The following ROR1 variants were observed in gnomAD, a reference collection of about 807,000 sequenced individuals.
ROR1 encodes inactive tyrosine-protein kinase transmembrane receptor ROR1.
Under a neutral mutation model 78.8 loss-of-function variants are expected in ROR1, and 19 were observed. The ratio of observed to expected loss-of-function variants is 0.24; its 90% CI spans 0.17 to 0.35. ROR1 has a LOEUF of 0.35. Ranked by LOEUF, ROR1 falls within the 10% of genes least tolerant of loss-of-function variation. ROR1 has a pLI of 1.00. For synonymous variants in ROR1, 386 were observed against 433.6 expected (o/e 0.89, Z 1.36); for missense variants, 917 against 1,177.8 (o/e 0.78, Z 3.24).
chr1:63,863,087 C>T (rs376651243), intron 1 of ROR1, among the ~76,000 whole-genome samples: 3 of 152,328 alleles, frequency 2.0e-5, no homozygotes, highest in East Asian at 3.9e-4. Flanking sequence ...AAGCCCTGAT[C>T]TCCTGACTCC....
intron 1 of ROR1, among the ~76,000 whole-genome samples, chr1:63,876,977 A>T (rs1645290514): frequency 6.6e-6 from 1 of 152,054 alleles, no homozygotes; most frequent in Non-Finnish European, 1.5e-5. Context: ...AAACAACTCT[A>T]CCTGGTATGC....
chr1:64,048,049 T>G (rs914964784), intron 2 of ROR1, among the ~76,000 whole-genome samples: 1 of 152,202 alleles, frequency 6.6e-6, no homozygotes, highest in African/African-American at 2.4e-5. Context: ...GGGACGGAAA[T>G]TAAAGCAAAT....
intron 1 of ROR1, among the ~76,000 whole-genome samples, chr1:63,913,132 C>G (rs1330607535): frequency 2.0e-5 from 3 of 151,884 alleles, no homozygotes; most frequent in African/African-American, 7.3e-5. Context: ...TTTTTCTATG[C>G]TTGATAAAGG....
At chr1:63,897,617 A>C (rs982978471) in intron 1 of ROR1, among the ~76,000 whole-genome samples, 5 of 152,282 alleles carry the variant, frequency 3.3e-5, no homozygotes, top group East Asian at 1.9e-4. Context: ...TTGAACACCT[A>C]CTGTGGAGCT....
intron 1 of ROR1, among the ~76,000 whole-genome samples, chr1:63,918,273 C>T (rs998718925): frequency 4.6e-5 from 7 of 152,188 alleles, no homozygotes; most frequent in Non-Finnish European, 8.8e-5. Context: ...CCACCCAGCA[C>T]GACGCACTGA....
chr1:64,087,744 A>C (rs1647165665), intron 4 of ROR1, among the ~76,000 whole-genome samples: 1 of 152,204 alleles, frequency 6.6e-6, no homozygotes, highest in African/African-American at 2.4e-5. Flanking sequence ...GTTTTTGAAA[A>C]TGAAAACCAA....
In ROR1 at chr1:64,049,976, T is replaced by G. The variant is rs776665368; in HGVS notation, c.449T>G (p.Phe150Cys). The G allele has an allele frequency of 1.2e-6, 2 of 1,614,062 alleles. No individual in the cohort carries two copies. Among genetic ancestry groups the G allele is most frequent in the Non-Finnish European group, 1.7e-6 (2 of 1,180,004 alleles). ...TCCACTGGAGTCTTGTTTGTCAAGT[T>G]TGGTAAGCAGACCCCTACTGGGGAT... ...VSSTGVLFVK[F>C]GPPPTASPGY... Residue 150 changes from phenylalanine to cysteine, a missense_variant and splice_region_variant, in exon 3 of 9, where the codon TTT becomes TGT. Transcript: ENST00000371079.
chr1:64,031,206 A>G (rs1646657160), intron 2 of ROR1, among the ~76,000 whole-genome samples: 1 of 152,220 alleles, frequency 6.6e-6, no homozygotes, highest in Admixed American at 6.5e-5. Flanking sequence ...TGGAGGACAC[A>G]GCTTGGAAAT....
chr1:64,133,903 TC>T (rs1372057232), intron 4 of ROR1, among the ~76,000 whole-genome samples: 1 of 152,090 alleles, frequency 6.6e-6, no homozygotes, highest in African/African-American at 2.4e-5. Context: ...GAGCATTTGT[TC>T]CCCTCCAGCC....
At chr1:63,897,148 T>C (rs1319027647) in intron 1 of ROR1, among the ~76,000 whole-genome samples, 1 of 152,256 alleles carries the variant, frequency 6.6e-6, no homozygotes, top group East Asian at 1.9e-4. Flanking sequence ...TCATCTGTGA[T>C]GCTGGTCAGC....
At chr1:63,887,225 T>A (rs201064571) in intron 1 of ROR1, among the ~76,000 whole-genome samples, 1 of 151,156 alleles carries the variant, frequency 6.6e-6, no homozygotes, top group African/African-American at 2.5e-5. Context: ...CGTTTTGGGA[T>A]GGGGGGGTTT....
At chr1:64,152,889 CAG>C (rs1402555911) in intron 7 of ROR1, among the ~76,000 whole-genome samples, 1 of 152,124 alleles carries the variant, frequency 6.6e-6, no homozygotes, top group Admixed American at 6.5e-5. Context: ...TAAATAAAGG[CAG>C]ATGATGAATT....
chr1:63,863,912 A>C (rs1283240448), intron 1 of ROR1, among the ~76,000 whole-genome samples: 1 of 152,158 alleles, frequency 6.6e-6, no homozygotes, highest in Non-Finnish European at 1.5e-5. Flanking sequence ...CAATGCTAGC[A>C]TTAACTACTA....
At chr1:64,058,292 T>C (rs1034210245) in intron 4 of ROR1, among the ~76,000 whole-genome samples, 1 of 152,186 alleles carries the variant, frequency 6.6e-6, no homozygotes, top group Admixed American at 6.5e-5. Flanking sequence ...GTTTTACTTT[T>C]TTCTTTTCAA....
chr1:63,888,544 G>A (rs1557545396), intron 1 of ROR1, among the ~76,000 whole-genome samples: 1 of 152,062 alleles, frequency 6.6e-6, no homozygotes. Context: ...GATCAGTTGA[G>A]CTCAGGAGAT....
At chr1:63,896,824 C>G (rs1645443806) in intron 1 of ROR1, among the ~76,000 whole-genome samples, 1 of 152,132 alleles carries the variant, frequency 6.6e-6, no homozygotes, top group Non-Finnish European at 1.5e-5. Context: ...CCACATCTCA[C>G]CTTGGAGCCT....
intron 4 of ROR1, among the ~76,000 whole-genome samples, chr1:64,087,947 C>G (rs1354886074): frequency 6.6e-6 from 1 of 152,140 alleles, no homozygotes; most frequent in African/African-American, 2.4e-5. Context: ...GGCCAGTACA[C>G]TGGGTGGCCT....
rs372332026 is a variant in ROR1 at position 63,850,829 on chromosome 1, T to C, written c.91+76321T>C. Among the ~76,000 whole-genome samples, 24 of 152,296 alleles carry C rather than the reference T, an allele frequency of 1.6e-4. 1 individual carries two copies. The highest frequency in any genetic ancestry group is 3.4e-3 in the Middle Eastern group (1 of 294). ...ATTGAAGAGACAAAGTCCAAACTTA[T>C]AGAACCTATGTTGGGGGTGCATAGC... On this transcript the variant is annotated intron_variant, in intron 1 of 8. Transcript: ENST00000371079.
chr1:63,910,111 C>G (rs1264458489), intron 1 of ROR1, among the ~76,000 whole-genome samples: 1 of 152,106 alleles, frequency 6.6e-6, no homozygotes, highest in African/African-American at 2.4e-5. Context: ...TTTTGTTTCT[C>G]AAGGCCAGGG....
Sources: allele counts gnomAD v4.1 joint callset (sites outside exome capture counted in the v4.1 genomes callset), GRCh38; gene constraint gnomAD v4.1.1; transcripts MANE v1.5; gene names NCBI Gene and HGNC (gene_info 2026-07-23, HGNC 2026-07-21).